The following BMP7 variants were observed in gnomAD, a reference collection of about 807,000 sequenced individuals.
BMP7 encodes bone morphogenetic protein 7.
A neutral mutation model predicts 41.2 loss-of-function variants in BMP7; 12 were observed. The ratio of observed to expected loss-of-function variants is 0.29; its 90% CI spans 0.19 to 0.47. The LOEUF (loss-of-function observed/expected upper bound fraction) is 0.47, where lower values mean the gene tolerates loss of function less well. Among genes scored for constraint, BMP7 ranks in the 20% least tolerant of loss-of-function variants. The pLI, the probability that BMP7 is intolerant of heterozygous loss-of-function variation, is 0.99. For synonymous variants in BMP7, 248 were observed against 250.0 expected (o/e 0.99, Z 0.07); for missense variants, 467 against 606.0 (o/e 0.77, Z 2.41).
In BMP7 at chr20:57,228,092, TC is replaced by T; in HGVS notation, c.611+136del. The T allele has an allele frequency of 2.0e-6, 2 of 1,017,258 alleles. No individual in the cohort carries two copies. Among genetic ancestry groups the T allele is most frequent in the Non-Finnish European group, 3.1e-6 (2 of 649,176 alleles). The allele number at this position is 1,017,258 out of a possible 1,614,324, so 63.0% of individuals were successfully genotyped here. A position where few individuals can be genotyped will look rare whatever the true frequency, so the allele number is the denominator to read the frequency against. On this transcript the variant is annotated intron_variant, in intron 2 of 6. Coordinates refer to ENST00000395863, the MANE Select transcript of BMP7 (RefSeq NM_001719.3). The surrounding 1 kb of genome is among the most constrained non-coding windows in gnomAD (Gnocchi z 4.5). ...AGGAAGTGACATACACCATACACCT[TC>T]TTTAGAAGGGATAATCTGGTACAGG...
chr20:57,242,164 T>G (rs1401812883), intron 1 of BMP7, among the ~76,000 whole-genome samples: 3 of 152,150 alleles, frequency 2.0e-5, no homozygotes, highest in Non-Finnish European at 2.9e-5. Context: ...CTCCCCTCAC[T>G]CCCATGAAGG....
intron 1 of BMP7, among the ~76,000 whole-genome samples, chr20:57,252,993 CA>C (rs1429062664): frequency 6.6e-6 from 1 of 152,162 alleles, no homozygotes; most frequent in African/African-American, 2.4e-5. Flanking sequence ...TCTGGTTAAA[CA>C]TACCAATAGT....
At chr20:57,265,611 A>G (rs1251319577) in intron 1 of BMP7, 94 bp downstream of exon 1, 4 of 1,519,106 alleles carry the variant, frequency 2.6e-6, no homozygotes, top group East Asian at 2.5e-5. Flanking sequence ...AGGAGCGGAA[A>G]GCTGGGCGGG....
rs1391487399 is a variant in BMP7, at chr20:57,169,187, G to A, written c.*1772C>T. The A allele has an allele frequency of 6.6e-6, 1 of 152,134 alleles. No individual in the cohort carries two copies. Among genetic ancestry groups the A allele is most frequent in the Non-Finnish European group, 1.5e-5 (1 of 68,014 alleles). 9.4% of individuals were successfully genotyped at this position (152,134 alleles called of 1,614,324 possible). ...GGCTGCAGCCCAAGCTACTAAAGAA[G>A]AAAAACATCAAAGAAAATAAAAACA... is the stretch of plus-strand genomic sequence containing the variant. On this transcript the variant is annotated 3_prime_UTR_variant, in exon 7 of 7. Transcript: ENST00000395863.
intron 3 of BMP7, among the ~76,000 whole-genome samples, chr20:57,184,939 C>G (rs1323704224): frequency 2.0e-5 from 3 of 152,338 alleles, no homozygotes; most frequent in Non-Finnish European, 4.4e-5. Context: ...CCTATTGTTT[C>G]AAGCCACCCA....
intron 1 of BMP7, among the ~76,000 whole-genome samples, chr20:57,249,091 A>G (rs6025465): frequency 0.59 from 89,846 of 151,874 alleles, 29,548 homozygotes; most frequent in African/African-American, 0.9. Flanking sequence ...ATGAGCCACC[A>G]CGCCCGGCTG....
chr20:57,203,912 G>C (rs909744669), intron 2 of BMP7, among the ~76,000 whole-genome samples: 8 of 152,186 alleles, frequency 5.3e-5, no homozygotes, highest in African/African-American at 1.9e-4. Context: ...CTTACCATAT[G>C]CCAGGCTCCA....
chr20:57,207,986 C>T (rs913976707), intron 2 of BMP7, among the ~76,000 whole-genome samples: 9 of 151,614 alleles, frequency 5.9e-5, no homozygotes, highest in East Asian at 3.9e-4. Context: ...CCCGCCACCG[C>T]GCCCGGCTAA....
At chr20:57,249,319 G>C (rs1003139339) in intron 1 of BMP7, among the ~76,000 whole-genome samples, 1 of 151,976 alleles carries the variant, frequency 6.6e-6, no homozygotes, top group Non-Finnish European at 1.5e-5. Context: ...TATGATACAG[G>C]TCCTACACTC....
At chr20:57,202,308 A>T (rs1984638942) in intron 3 of BMP7, among the ~76,000 whole-genome samples, 167 bp downstream of exon 3, 1 of 151,796 alleles carries the variant, frequency 6.6e-6, no homozygotes, top group Non-Finnish European at 1.5e-5. Context: ...TTGTGAAAAG[A>T]GGGGAAGGGG....
At position 57,174,267 on chromosome 20, in the gene BMP7, T is replaced by C. The variant is rs529031812; in HGVS notation, c.1035+664A>G. On this transcript the variant is annotated intron_variant, in intron 5 of 6. Transcript: ENST00000395863. This position sits in a 1 kb window ranked among gnomAD's most constrained non-coding sequence, Gnocchi z 4.3. The stretch of plus-strand genomic sequence containing the variant: ...ATTTGAGCCCCACAGGGCAGACACA[T>C]TGCAGTGTTCATCGCTGCATCTCCA... Among the ~76,000 whole-genome samples the C allele has an allele frequency of 1.3e-5, 2 of 152,298 alleles. No individual in the cohort carries two copies. Among genetic ancestry groups the C allele is most frequent in the South Asian group, 4.1e-4 (2 of 4,828 alleles).
At chr20:57,246,754 C>T (rs544400309) in intron 1 of BMP7, among the ~76,000 whole-genome samples, 16 of 152,208 alleles carry the variant, frequency 1.1e-4, no homozygotes, top group African/African-American at 2.2e-4. Flanking sequence ...TTTGGGAGGC[C>T]GAGGTGGGCG....
At chr20:57,180,601 T>G (rs1200308129) in intron 4 of BMP7, among the ~76,000 whole-genome samples, 3 of 152,124 alleles carry the variant, frequency 2.0e-5, no homozygotes, top group Admixed American at 6.5e-5. Context: ...GCAGCCTTTG[T>G]GTGGGTGTTC....
chr20:57,199,849 A>G (rs1421993039), intron 3 of BMP7, among the ~76,000 whole-genome samples: 1 of 152,186 alleles, frequency 6.6e-6, no homozygotes, highest in Non-Finnish European at 1.5e-5. Context: ...GCACCTGGAC[A>G]AGCCAAGTCA....
intron 1 of BMP7, among the ~76,000 whole-genome samples, chr20:57,240,463 A>G (rs764001299): frequency 1.3e-5 from 2 of 152,130 alleles, no homozygotes; most frequent in Admixed American, 6.5e-5. Context: ...ACATTTTCCT[A>G]TCTTCTTCTG....
intron 1 of BMP7, among the ~76,000 whole-genome samples, chr20:57,238,735 C>T (rs1218420796): frequency 6.6e-6 from 1 of 151,972 alleles, no homozygotes; most frequent in Non-Finnish European, 1.5e-5. Context: ...ACTTGCAGCT[C>T]CACATGGCTG....
intron 2 of BMP7, among the ~76,000 whole-genome samples, chr20:57,203,793 AG>A (rs977164689): frequency 4.9e-4 from 75 of 152,326 alleles, no homozygotes; most frequent in African/African-American, 1.7e-3. Context: ...TCCCTGCCCC[AG>A]GGCAACAACA....
chr20:57,236,884 G>C (rs540662027), intron 1 of BMP7, among the ~76,000 whole-genome samples: 5 of 152,116 alleles, frequency 3.3e-5, no homozygotes, highest in Non-Finnish European at 7.3e-5. Context: ...TCCTGAAGAC[G>C]TTCTCCCAGC....
chr20:57,198,362 C>A (rs1430925061), intron 3 of BMP7, among the ~76,000 whole-genome samples: 5 of 152,114 alleles, frequency 3.3e-5, no homozygotes, highest in African/African-American at 1.2e-4. Context: ...GGAAGCACAG[C>A]CTGGGGGCTG....
Sources: allele counts gnomAD v4.1 joint callset (sites outside exome capture counted in the v4.1 genomes callset), GRCh38; gene constraint gnomAD v4.1.1; non-coding constraint Gnocchi (gnomAD v3.1); transcripts MANE v1.5; gene names NCBI Gene and HGNC (gene_info 2026-07-23, HGNC 2026-07-21).